The following RASGRF1 variants were observed in gnomAD, a reference collection of about 807,000 sequenced individuals.
RASGRF1 encodes the protein ras-specific guanine nucleotide-releasing factor 1.
A neutral mutation model predicts 138.7 loss-of-function variants in RASGRF1; 40 were observed. That is an observed-to-expected ratio of 0.29 (90% CI 0.22 to 0.38). The LOEUF is 0.38. Among genes scored for constraint, RASGRF1 ranks in the 10% least tolerant of loss-of-function variants. The pLI is 1.00. For missense variants in RASGRF1, 1,108 were observed against 1,650.4 expected (o/e 0.67, Z 5.69); for synonymous variants, 614 against 663.2 (o/e 0.93, Z 1.14).
intron 22 of RASGRF1, among the ~76,000 whole-genome samples, chr15:78,988,457 C>T (rs183528678): frequency 6.6e-5 from 10 of 152,178 alleles, no homozygotes; most frequent in African/African-American, 2.2e-4. Flanking sequence ...GAGAGGCACA[C>T]GAGTCTCCTT....
chr15:79,060,146 C>T (rs923454164), intron 2 of RASGRF1, among the ~76,000 whole-genome samples: 1 of 152,136 alleles, frequency 6.6e-6, no homozygotes, highest in African/African-American at 2.4e-5. Context: ...CCAAGCACTG[C>T]TCAACAAGCC....
intron 13 of RASGRF1, among the ~76,000 whole-genome samples, chr15:79,012,683 G>A (rs892293118): frequency 4.6e-5 from 7 of 151,676 alleles, no homozygotes; most frequent in African/African-American, 1.5e-4. Flanking sequence ...TGTTTCATCC[G>A]CACTCTCTCT....
chr15:78,990,955 A>G (rs549824863), intron 21 of RASGRF1, among the ~76,000 whole-genome samples: 2 of 152,346 alleles, frequency 1.3e-5, no homozygotes, highest in South Asian at 4.1e-4. Context: ...GAGGGCTGCG[A>G]GAGTGCCAGG....
In RASGRF1 at chr15:79,090,598, C is replaced by T. The variant is rs868057101; in HGVS notation, c.-100G>A. Reference sequence around the variant, plus strand: ...GCGCTGCCTCTCTCTGGCGCTCGCTCGCTCGCTCCCTCTAGCTCTCCCCTC... The same window carrying T: ...GCGCTGCCTCTCTCTGGCGCTCGCTTGCTCGCTCCCTCTAGCTCTCCCCTC... On this transcript the variant is annotated 5_prime_UTR_variant, in exon 1 of 27. Transcript: ENST00000558480. The T allele has an allele frequency of 1.1e-5, 16 of 1,513,074 alleles. No homozygotes were observed. Among genetic ancestry groups the T allele is most frequent in the African/African-American group, 9.6e-5 (7 of 73,196 alleles). 93.7% of individuals were successfully genotyped at this position (1,513,074 alleles called of 1,614,324 possible).
At chr15:78,990,322 G>T in intron 21 of RASGRF1, 49 bp from the exon 22 acceptor site, 2 of 1,278,076 alleles carry the variant, frequency 1.6e-6, no homozygotes, top group Non-Finnish European at 1.1e-6. Context: ...GGTTTGCCTT[G>T]CTGATTTCAT....
chr15:78,984,037 T>C (rs6495356), intron 23 of RASGRF1, among the ~76,000 whole-genome samples: 43,289 of 151,780 alleles, frequency 0.29, 6,642 homozygotes, highest in African/African-American at 0.4. Flanking sequence ...TATGGACATG[T>C]CGTCTGCTTG....
chr15:78,980,547 G>T, intron 24 of RASGRF1, 73 bp downstream of exon 24: 1 of 1,225,028 alleles, frequency 8.2e-7, no homozygotes, highest in Non-Finnish European at 1.2e-6. Flanking sequence ...CTGGCTGGGG[G>T]CGGCACGTGA....
chr15:78,962,300 A>T, intron 26 of RASGRF1, 64 bp from the exon 27 acceptor site: 5 of 1,199,910 alleles, frequency 4.2e-6, no homozygotes, highest in Non-Finnish European at 6.0e-6. Flanking sequence ...CTGATTGTGG[A>T]TGCACTTTAT....
intron 1 of RASGRF1, among the ~76,000 whole-genome samples, chr15:79,067,340 T>C (rs1442919937): frequency 1.3e-5 from 2 of 152,184 alleles, no homozygotes; most frequent in Admixed American, 1.3e-4. Context: ...GCCTCAGGCA[T>C]GGTACTAGGT....
chr15:79,012,153 C>T (rs2056808372), intron 13 of RASGRF1, among the ~76,000 whole-genome samples: 1 of 152,156 alleles, frequency 6.6e-6, no homozygotes, highest in South Asian at 2.1e-4. Flanking sequence ...AGGTCATTGC[C>T]TGCATGACAT....
intron 3 of RASGRF1, among the ~76,000 whole-genome samples, chr15:79,052,651 T>TG (rs1312354135): frequency 6.6e-6 from 1 of 152,192 alleles, no homozygotes; most frequent in Non-Finnish European, 1.5e-5. Context: ...GGGAGAGCCT[T>TG]GGCCAGGAAG....
At chr15:78,974,251 T>C (rs1287267505) in intron 24 of RASGRF1, among the ~76,000 whole-genome samples, 5 of 152,196 alleles carry the variant, frequency 3.3e-5, no homozygotes, top group African/African-American at 1.2e-4. Context: ...TTTAGCTCCT[T>C]CTGGGGCCTC....
intron 1 of RASGRF1, among the ~76,000 whole-genome samples, chr15:79,086,405 T>C (rs757694461): frequency 6.6e-6 from 1 of 152,176 alleles, no homozygotes; most frequent in Non-Finnish European, 1.5e-5. Flanking sequence ...CAGCCACAGA[T>C]GAAATTGTTT....
chr15:78,971,871 C>G lies in RASGRF1; in HGVS notation c.3676G>C (p.Ala1226Pro), dbSNP rs2055767888. ...CAGGAAAAGGCACAGCTTACCTTTG[C>G]TTGGTGCTCTATTTTGTAGGCAGTT... ...QQTAYKIEHQ[A>P]KVTQYLLDQS... The change falls in exon 26 of 27, where the codon GCA becomes CCA. Residue 1226 changes from alanine to proline, a missense_variant. Physicochemically the swap from Ala to Pro is conservative, Grantham distance 27. Around this residue, in one of 3 missense-constraint regions of RASGRF1, gnomAD observed 686 missense variants for 976.7 expected, o/e 0.70. Coordinates refer to ENST00000558480, the MANE Select transcript of RASGRF1 (RefSeq NM_001145648.3). 3.8e-6 allele frequency: 6 copies of G among 1,578,248 alleles called. No individual in the cohort carries two copies. The highest frequency in any genetic ancestry group is 5.2e-6 in the Non-Finnish European group (6 of 1,147,362).
rs190468599 is a variant in RASGRF1 at position 78,990,172 on chromosome 15, C to A, written c.3216+17G>T. 3 of 1,556,970 alleles carry A rather than the reference C, an allele frequency of 1.9e-6. No homozygotes were observed. Among genetic ancestry groups the A allele is most frequent in the Middle Eastern group, 1.7e-4 (1 of 5,966 alleles). ...AAGAAAAACCCCAGTGAGAGAGGCGCTCCCATCCATACTCACGTCATTGAA... is the reference window on the plus strand; with the variant it reads ...AAGAAAAACCCCAGTGAGAGAGGCGATCCCATCCATACTCACGTCATTGAA... On this transcript the variant is annotated intron_variant, in intron 22 of 26. Transcript: ENST00000558480.
chr15:79,074,620 G>C (rs1448245981), intron 1 of RASGRF1, among the ~76,000 whole-genome samples: 4 of 152,176 alleles, frequency 2.6e-5, no homozygotes, highest in Non-Finnish European at 5.9e-5. Context: ...GGCCAACTCA[G>C]AGCCACACCC....
At chr15:79,024,422 CAT>C (rs539646501) in intron 10 of RASGRF1, among the ~76,000 whole-genome samples, 379 of 151,924 alleles carry the variant, frequency 2.5e-3, no homozygotes, top group Admixed American at 7.4e-3. Flanking sequence ...TATACACACA[CAT>C]GCATACACAC....
At chr15:78,983,720 T>C (rs561320636) in intron 23 of RASGRF1, among the ~76,000 whole-genome samples, 72 of 152,360 alleles carry the variant, frequency 4.7e-4, no homozygotes, top group African/African-American at 1.7e-3. Flanking sequence ...GCTCAACACT[T>C]GCCTCCACGA....
At chr15:79,021,211 A>G (rs2056956539) in intron 10 of RASGRF1, among the ~76,000 whole-genome samples, 1 of 152,240 alleles carries the variant, frequency 6.6e-6, no homozygotes, top group Non-Finnish European at 1.5e-5. Context: ...GAGGTAATAA[A>G]TGTTTGTTTT....
Sources: gnomAD v4.1 joint callset for allele counts (sites outside exome capture counted in the v4.1 genomes callset) on GRCh38, gnomAD v4.1.1 for gene constraint, gnomAD v4.1.1 regional missense constraint, MANE v1.5 for transcripts, NCBI Gene and HGNC (gene_info 2026-07-23, HGNC 2026-07-21) for gene names.